Variants in UBR4 observed in about 807,000 individuals in gnomAD.
UBR4 encodes ubiquitin protein ligase E3 component n-recognin 4, also known as E3 ubiquitin-protein ligase UBR4.
UBR4 carries 124 observed loss-of-function variants against 575.6 expected under a neutral mutation model. That is an observed-to-expected ratio of 0.22 (90% CI 0.19 to 0.25). UBR4 has a LOEUF of 0.25. Among genes scored for constraint, UBR4 ranks in the 10% least tolerant of loss-of-function variants. The probability of loss-of-function intolerance (pLI) is 1.00; values close to 1 mark genes in which losing one functional copy is unlikely to be tolerated. For missense variants in UBR4, 4,818 were observed against 6,478.8 expected (o/e 0.74, Z 8.80); for synonymous variants, 2,455 against 2,473.7 (o/e 0.99, Z 0.22).
intron 1 of UBR4, among the ~76,000 whole-genome samples, chr1:19,203,002 A>C (rs1053290315): frequency 6.6e-6 from 1 of 151,708 alleles, no homozygotes; most frequent in African/African-American, 2.4e-5. Flanking sequence ...AATTGCTTGA[A>C]CCCAGAAGGT....
At chr1:19,165,067 T>C in intron 31 of UBR4, 70 bp from the exon 32 acceptor site, 2 of 1,583,306 alleles carry the variant, frequency 1.3e-6, no homozygotes, top group South Asian at 2.2e-5. Flanking sequence ...GGCAAACTGT[T>C]GAGCCAGGAA....
In UBR4 at chr1:19,099,546, A is replaced by AT; in HGVS notation, c.13302+50dup. Reference sequence around the variant, plus strand: ...ATGGCTCCTGCTGGTACAAGTCTGCATAAGTCAGAAAAGTGAAACCACACC... The same window carrying AT: ...ATGGCTCCTGCTGGTACAAGTCTGCATTAAGTCAGAAAAGTGAAACCACACC... On this transcript the variant is annotated intron_variant, in intron 90 of 105. Coordinates refer to ENST00000375254, the MANE Select transcript of UBR4 (RefSeq NM_020765.3). 1.9e-6 allele frequency: 3 copies of AT among 1,539,716 alleles called. No individual in the cohort carries two copies. The South Asian group carries it at 3.4e-5, about 17-fold the overall frequency.
intron 104 of UBR4, 46 bp downstream of exon 104, chr1:19,077,930 T>G (rs774684178): frequency 6.2e-7 from 1 of 1,612,992 alleles, no homozygotes; most frequent in Non-Finnish European, 8.5e-7. Context: ...GTGCAGACAT[T>G]TTACACTCTT....
Position 19,094,017 on chromosome 1 carries a change from A to G in UBR4, c.13869T>C (p.Leu4623=). The G allele has an allele frequency of 6.2e-7, 1 of 1,614,110 alleles. No individual in the cohort carries two copies. ...GCATTTTCTCCACCTCTCCAAAGGA[A>G]AGGTACGGGATGATGCGAAGCAGGC... is the stretch of plus-strand genomic sequence containing the variant. The part of the protein sequence containing the change: ...LQGLLRIIPY[L]SFGEVEKMQI... Residue 4623 remains leucine (L), a synonymous_variant, in exon 95 of 106, where the codon CTT becomes CTC. Transcript: ENST00000375254.
chr1:19,154,382 A>G (rs1341223840), intron 44 of UBR4, among the ~76,000 whole-genome samples: 3 of 152,224 alleles, frequency 2.0e-5, no homozygotes, highest in Non-Finnish European at 4.4e-5. Context: ...TCAATGGCAG[A>G]TAAGAAACAA....
rs1421271678 is a variant in UBR4 at position 19,122,001 on chromosome 1, C to T, written c.9828G>A (p.Leu3276=). The T allele has an allele frequency of 1.2e-6, 2 of 1,614,132 alleles. No individual in the cohort carries two copies. The highest frequency in any genetic ancestry group is 4.5e-5 in the East Asian group (2 of 44,882). ...YDTLISLMEH[L]KACAEIAAQR... The stretch of plus-strand genomic sequence containing the variant: ...GGGCGGCAATCTCTGCACAGGCTTT[C>T]AGGTGCTCCATCTGAAATAGGAACC... The change falls in exon 67 of 106, where the codon CTG becomes CTA. Residue 3276 remains leucine (L), a synonymous_variant. Transcript: ENST00000375254.
Position 19,100,918 on chromosome 1 carries a change from C to T in UBR4, c.13024-345G>A, listed in dbSNP as rs1406009721. 1.3e-5 allele frequency among the ~76,000 whole-genome samples: 2 copies of T among 151,954 alleles called. No individual in the cohort carries two copies. Among genetic ancestry groups the T allele is most frequent in the Admixed American group, 6.6e-5 (1 of 15,254 alleles). ...CTCCTCCTGCTGGTCTCATGTGATG[C>T]TAACCAATTTGGGGCCAGAGGACTT... On this transcript the variant is annotated intron_variant, in intron 88 of 105. Transcript: ENST00000375254. This position sits in a 1 kb window ranked among gnomAD's most constrained non-coding sequence, Gnocchi z 4.2.
chr1:19,098,177 G>A (rs1165346999), intron 90 of UBR4, among the ~76,000 whole-genome samples: 5 of 152,220 alleles, frequency 3.3e-5, no homozygotes, highest in Admixed American at 6.5e-5. Flanking sequence ...AGAAAGGCCA[G>A]TTGCAGAAGT....
intron 60 of UBR4, among the ~76,000 whole-genome samples, chr1:19,135,133 C>G (rs770766632): frequency 6.6e-6 from 1 of 152,198 alleles, no homozygotes; most frequent in Admixed American, 6.5e-5. Context: ...ATTCTATGTG[C>G]GTTTCCAGCT....
chr1:19,106,541 G>A, intron 83 of UBR4, 28 bp downstream of exon 83: 1 of 1,526,132 alleles, frequency 6.6e-7, no homozygotes, highest in Middle Eastern at 1.8e-4. Context: ...GGGCGCAGGG[G>A]GTGAAGAGTC....
Position 19,210,113 on chromosome 1 carries a change from T to A in UBR4, c.136A>T (p.Met46Leu). ...GCCACCAGCTGCGGCAACTCCTTCA[T>A]CTCGAAGGCGGAGTAGGACGCGGAC... ...LLSASYSAFE[M>L]KELPQLVASV... The change falls in exon 1 of 106, where the codon ATG (methionine) becomes TTG (leucine). Residue 46 changes from methionine to leucine, a missense_variant. Met to Leu is a conservative substitution (Grantham distance 15). Coordinates refer to ENST00000375254, the MANE Select transcript of UBR4 (RefSeq NM_020765.3). 1 of 1,584,814 alleles carries A rather than the reference T, an allele frequency of 6.3e-7. No individual in the cohort carries two copies. The highest frequency in any genetic ancestry group is 8.6e-7 in the Non-Finnish European group (1 of 1,168,328).
intron 65 of UBR4, 111 bp downstream of exon 65, chr1:19,124,430 G>T: frequency 1.4e-6 from 2 of 1,419,558 alleles, no homozygotes; most frequent in Admixed American, 2.4e-5. Context: ...AAGGTGAAAG[G>T]GACTCTGCAA....
chr1:19,164,711 A>G (rs2088006930), intron 32 of UBR4, 88 bp downstream of exon 32: 1 of 1,499,914 alleles, frequency 6.7e-7, no homozygotes, highest in South Asian at 1.2e-5. Flanking sequence ...GAGAATGCTA[A>G]GACTGGTGCC....
chr1:19,076,717 A>G, intron 105 of UBR4, 23 bp downstream of exon 105: 1 of 1,614,082 alleles, frequency 6.2e-7, no homozygotes, highest in Non-Finnish European at 8.5e-7. Context: ...AGGATCTTTA[A>G]AAGAGAAAAC....
chr1:19,161,331 A>G (rs568521724), intron 37 of UBR4, among the ~76,000 whole-genome samples, 184 bp from the exon 38 acceptor site: 1 of 152,328 alleles, frequency 6.6e-6, no homozygotes, highest in South Asian at 2.1e-4. Flanking sequence ...ACCCACTCAC[A>G]GTATCAGGCC....
chr1:19,084,306 G>T (rs1251455049), intron 102 of UBR4, among the ~76,000 whole-genome samples, 198 bp downstream of exon 102: 1 of 152,194 alleles, frequency 6.6e-6, no homozygotes, highest in Admixed American at 6.5e-5. Flanking sequence ...TTGGGGGAAG[G>T]AAGTTCCCTT....
At position 19,197,203 on chromosome 1, in the gene UBR4, T is replaced by C; in HGVS notation, c.956A>G (p.Glu319Gly). The C allele has an allele frequency of 6.2e-7, 1 of 1,614,140 alleles. No individual in the cohort carries two copies. The highest frequency in any genetic ancestry group is 8.5e-7 in the Non-Finnish European group (1 of 1,180,028). Residue 319 changes from glutamate to glycine, a missense_variant, in exon 8 of 106, where the codon GAA becomes GGA. Physicochemically the swap from Glu to Gly is moderately conservative, Grantham distance 98 (BLOSUM62 -2). Coordinates refer to ENST00000375254, the MANE Select transcript of UBR4 (RefSeq NM_020765.3). ...ALDTLSLPVLEPLNPSRLQDV... is the reference protein window; with the variant it reads ...ALDTLSLPVLGPLNPSRLQDV... ...TTGTAGACGAGAAGGATTGAGAGGT[T>C]CCAACACAGGTAGAGAAAGGGTATC...
intron 9 of UBR4, 49 bp downstream of exon 9, chr1:19,193,384 C>T: frequency 6.2e-7 from 1 of 1,600,352 alleles, no homozygotes; most frequent in Non-Finnish European, 8.5e-7. Context: ...TGGCCATACT[C>T]CCTCATTTGA....
chr1:19,097,387 T>C, intron 90 of UBR4, 107 bp from the exon 91 acceptor site: 1 of 833,284 alleles, frequency 1.2e-6, no homozygotes. Flanking sequence ...AGAGCCTCTA[T>C]TTTTCTACAA....
Sources: gnomAD v4.1 joint callset for allele counts (sites outside exome capture counted in the v4.1 genomes callset) on GRCh38, gnomAD v4.1.1 for gene constraint, Gnocchi (gnomAD v3.1) non-coding constraint, MANE v1.5 for transcripts, NCBI Gene and HGNC (gene_info 2026-07-23, HGNC 2026-07-21) for gene names.